PLD5: variants seen among roughly 807,000 people sequenced by gnomAD.
PLD5 encodes inactive phospholipase D5.
In PLD5, 36 loss-of-function variants were observed where a neutral mutation model predicts 61.1. That is an observed-to-expected ratio of 0.59 (90% CI 0.45 to 0.78). The LOEUF (loss-of-function observed/expected upper bound fraction) is 0.78. Among genes scored for constraint, PLD5 ranks in the 30% least tolerant of loss-of-function variants. The pLI is 0.00. For synonymous variants in PLD5, 243 were observed against 242.8 expected, an observed-to-expected ratio of 1.00 and a Z score of -0.01; for missense variants, 515 against 644.4, an observed-to-expected ratio of 0.80 and a Z score of 2.17.
intron 1 of PLD5, among the ~76,000 whole-genome samples, chr1:242,399,891 T>A (rs987790506): frequency 5.3e-5 from 8 of 152,078 alleles, no homozygotes; most frequent in African/African-American, 1.9e-4. Flanking sequence ...ATTCTAGGCC[T>A]GGCGTGGTGG....
intron 7 of PLD5, among the ~76,000 whole-genome samples, chr1:242,108,855 C>A (rs185571394): frequency 6.6e-6 from 1 of 152,188 alleles, no homozygotes; most frequent in African/African-American, 2.4e-5. Flanking sequence ...ATTGCTTTTT[C>A]ATCACATGCA....
At chr1:242,467,619 T>C (rs975365185) in intron 1 of PLD5, among the ~76,000 whole-genome samples, 1 of 152,178 alleles carries the variant, frequency 6.6e-6, no homozygotes, top group African/African-American at 2.4e-5. Context: ...AATACAGAAA[T>C]ATGATCTTCT....
At chr1:242,249,111 G>T (rs1310174853) in intron 4 of PLD5, among the ~76,000 whole-genome samples, 1 of 152,180 alleles carries the variant, frequency 6.6e-6, no homozygotes, top group African/African-American at 2.4e-5. Flanking sequence ...GTGAGACTCT[G>T]TCTCAAAACA....
chr1:242,109,352 C>G (rs1215466909), intron 7 of PLD5, among the ~76,000 whole-genome samples: 2 of 152,304 alleles, frequency 1.3e-5, no homozygotes, highest in East Asian at 3.9e-4. Context: ...GTGGCATGCA[C>G]CTGTAATCCC....
At chr1:242,288,979 C>T (rs1337653679) in intron 2 of PLD5, among the ~76,000 whole-genome samples, 2 of 152,104 alleles carry the variant, frequency 1.3e-5, no homozygotes, top group African/African-American at 4.8e-5. Flanking sequence ...GTGGGGCATA[C>T]ATTGGAACTC....
chr1:242,166,933 A>T (rs982705282), intron 5 of PLD5, among the ~76,000 whole-genome samples: 131 of 152,224 alleles, frequency 8.6e-4, no homozygotes, highest in Middle Eastern at 3.4e-3. Context: ...TGAGCTGTAC[A>T]TGTAATTCTG....
At chr1:242,115,430 T>C (rs1265870288) in intron 6 of PLD5, among the ~76,000 whole-genome samples, 3 of 152,140 alleles carry the variant, frequency 2.0e-5, no homozygotes, top group African/African-American at 7.2e-5. Context: ...GTATCTTCTG[T>C]TTTACTTTTT....
chr1:242,492,986 C>T (rs1314148673), intron 1 of PLD5, among the ~76,000 whole-genome samples: 2 of 152,064 alleles, frequency 1.3e-5, no homozygotes, highest in Non-Finnish European at 2.9e-5. Flanking sequence ...GAGGGGGAAC[C>T]ACAAACATTC....
intron 1 of PLD5, among the ~76,000 whole-genome samples, chr1:242,447,080 A>G (rs1480841606): frequency 2.0e-5 from 3 of 152,266 alleles, no homozygotes; most frequent in African/African-American, 7.2e-5. Flanking sequence ...CACTCAGCAC[A>G]TAGCACATTA....
chr1:242,089,882 G>A lies in PLD5; in HGVS notation c.1583C>T (p.Thr528Ile), dbSNP rs550275311. ...PLSNKTATDD[T>I]GGKDPRNV ...TACGTTCCGGGGATCCTTTCCGCCTGTGTCGTCTGTGGCAGTTTTGTTGGA... is the reference window on the plus strand; with the variant it reads ...TACGTTCCGGGGATCCTTTCCGCCTATGTCGTCTGTGGCAGTTTTGTTGGA... Residue 528 changes from threonine to isoleucine, a missense_variant, in exon 10 of 10, where the codon ACA becomes ATA. Physicochemically the swap from Thr to Ile is moderately conservative, Grantham distance 89. This residue lies in a region of PLD5 where 450 missense variants were observed against 598.1 expected (regional missense o/e 0.75). Transcript: ENST00000536534. 6.2e-6 allele frequency: 10 copies of A among 1,614,094 alleles called. No homozygotes were observed. Among genetic ancestry groups the A allele is most frequent in the East Asian group, 2.2e-5 (1 of 44,900 alleles).
chr1:242,394,058 A>G (rs1170800733), intron 1 of PLD5, among the ~76,000 whole-genome samples: 3 of 62,126 alleles, frequency 4.8e-5, no homozygotes, highest in Non-Finnish European at 6.8e-5. Context: ...ACTCCATCTC[A>G]AAAAAAAACA....
At chr1:242,134,947 A>C (rs1311862301) in intron 5 of PLD5, among the ~76,000 whole-genome samples, 4 of 152,212 alleles carry the variant, frequency 2.6e-5, no homozygotes, top group African/African-American at 9.7e-5. Context: ...CCTGAGTGCA[A>C]TCGCTGCCCA....
rs373700860 is a variant in PLD5, at chr1:242,278,092, C to T, written c.495+10270G>A. The stretch of plus-strand genomic sequence containing the variant: ...GTCAAAAACTTTTTTTGTTGGCGGC[C>T]ATTTGGAGGATTTGGTTTCTCTCTC... On this transcript the variant is annotated intron_variant, in intron 3 of 9. Transcript: ENST00000536534. Among the ~76,000 whole-genome samples, 14 of 152,168 alleles carry T rather than the reference C, an allele frequency of 9.2e-5. No homozygotes were observed. The East Asian group carries it at 2.1e-3, about 23-fold the overall frequency.
At chr1:242,139,729 A>G (rs1278289598) in intron 5 of PLD5, among the ~76,000 whole-genome samples, 2 of 152,206 alleles carry the variant, frequency 1.3e-5, no homozygotes, top group African/African-American at 4.8e-5. Flanking sequence ...TGCTGGAGGC[A>G]GACAGGACAG....
chr1:242,276,640 G>A (rs1387240421), intron 3 of PLD5, among the ~76,000 whole-genome samples: 1 of 151,018 alleles, frequency 6.6e-6, no homozygotes, highest in Non-Finnish European at 1.5e-5. Flanking sequence ...AGAAGATAGC[G>A]GCCGCTTCAT....
chr1:242,158,136 C>T (rs1382377754), intron 5 of PLD5, among the ~76,000 whole-genome samples: 1 of 152,202 alleles, frequency 6.6e-6, no homozygotes, highest in Admixed American at 6.5e-5. Flanking sequence ...CAAGCCTCAG[C>T]AATGGCAGAC....
At chr1:242,118,669 G>A (rs1459663624) in intron 6 of PLD5, among the ~76,000 whole-genome samples, 1 of 152,208 alleles carries the variant, frequency 6.6e-6, no homozygotes, top group Non-Finnish European at 1.5e-5. Flanking sequence ...ATGTTTATAA[G>A]CACTGACCTG....
intron 5 of PLD5, among the ~76,000 whole-genome samples, chr1:242,133,123 C>A (rs747313087): frequency 5.7e-4 from 86 of 151,734 alleles, no homozygotes; most frequent in South Asian, 3.1e-3. Flanking sequence ...CAACCAATCA[C>A]GCTGGTCAGG....
chr1:242,094,743 G>A (rs1660091635), intron 9 of PLD5, among the ~76,000 whole-genome samples: 1 of 152,086 alleles, frequency 6.6e-6, no homozygotes, highest in African/African-American at 2.4e-5. Context: ...GACAGTGTTA[G>A]GAGCTCTTCA....
Sources: gnomAD v4.1 joint callset for allele counts (sites outside exome capture counted in the v4.1 genomes callset) on GRCh38, gnomAD v4.1.1 for gene constraint, gnomAD v4.1.1 regional missense constraint, MANE v1.5 for transcripts, NCBI Gene and HGNC (gene_info 2026-07-23, HGNC 2026-07-21) for gene names.